DPP10: variants seen among roughly 807,000 people sequenced by gnomAD.
DPP10 encodes inactive dipeptidyl peptidase 10.
DPP10 carries 33 observed loss-of-function variants against 120.9 expected under a neutral mutation model. The ratio of observed to expected loss-of-function variants is 0.27; its 90% CI spans 0.21 to 0.37. The LOEUF (loss-of-function observed/expected upper bound fraction) is 0.37, where lower values mean the gene tolerates loss of function less well. Ranked by LOEUF, DPP10 falls within the 10% of genes least tolerant of loss-of-function variation. DPP10 has a pLI of 1.00. For synonymous variants in DPP10, 337 were observed against 326.1 expected (o/e 1.03, Z -0.36); for missense variants, 816 against 942.8 (o/e 0.87, Z 1.76).
chr2:114,525,845 A>C (rs1489177728), intron 1 of DPP10, among the ~76,000 whole-genome samples: 2 of 152,206 alleles, frequency 1.3e-5, no homozygotes, highest in East Asian at 3.9e-4. Flanking sequence ...TAGTCTTTCT[A>C]GAACTCTTTA....
intron 5 of DPP10, among the ~76,000 whole-genome samples, chr2:115,559,703 C>T (rs1250635560): frequency 6.6e-6 from 1 of 152,018 alleles, no homozygotes; most frequent in Non-Finnish European, 1.5e-5. Flanking sequence ...TTATGTGCAA[C>T]CTGATTGAGG....
chr2:114,842,473 C>T (rs1021450301), intron 1 of DPP10, among the ~76,000 whole-genome samples: 10 of 152,032 alleles, frequency 6.6e-5, no homozygotes, highest in Non-Finnish European at 5.9e-5. Flanking sequence ...AGAGACCCAT[C>T]AAGATGCACA....
chr2:114,758,859 TA>T (rs1408980931), intron 1 of DPP10, among the ~76,000 whole-genome samples: 1 of 152,094 alleles, frequency 6.6e-6, no homozygotes, highest in East Asian at 1.9e-4. Context: ...ATCGTGAAAT[TA>T]AAAAACGAAA....
intron 1 of DPP10, among the ~76,000 whole-genome samples, chr2:115,000,536 G>T (rs191600519): frequency 1.3e-5 from 2 of 152,088 alleles, no homozygotes; most frequent in East Asian, 3.9e-4. Flanking sequence ...GGTTCCTTTT[G>T]TCATTATTGT....
intron 1 of DPP10, among the ~76,000 whole-genome samples, chr2:114,534,281 A>C (rs992857191): frequency 2.6e-5 from 4 of 151,776 alleles, no homozygotes; most frequent in African/African-American, 9.7e-5. Context: ...ATTTTCTCCT[A>C]GTTCCTCTTT....
At chr2:115,487,110 A>G (rs903344085) in intron 3 of DPP10, among the ~76,000 whole-genome samples, 1 of 151,938 alleles carries the variant, frequency 6.6e-6, no homozygotes, top group Non-Finnish European at 1.5e-5. Flanking sequence ...CCAAATCATG[A>G]GTGAACTCCC....
intron 16 of DPP10, 109 bp downstream of exon 16, chr2:115,781,104 T>C: frequency 5.3e-6 from 5 of 941,194 alleles, no homozygotes; most frequent in Non-Finnish European, 5.9e-6. Flanking sequence ...TCTTAATTTA[T>C]AAATTTTTGT....
At chr2:114,709,177 G>C (rs1426624503) in intron 1 of DPP10, among the ~76,000 whole-genome samples, 1 of 152,184 alleles carries the variant, frequency 6.6e-6, no homozygotes, top group Non-Finnish European at 1.5e-5. Context: ...ATTGGCAGGA[G>C]ATTGGAGGGA....
chr2:114,845,184 T>C (rs1483581761), intron 1 of DPP10, among the ~76,000 whole-genome samples: 1 of 152,112 alleles, frequency 6.6e-6, no homozygotes, highest in East Asian at 1.9e-4. Context: ...TCAACCAACA[T>C]GCATTGGACT....
intron 1 of DPP10, among the ~76,000 whole-genome samples, chr2:115,295,269 G>C (rs2060834086): frequency 6.6e-6 from 1 of 152,042 alleles, no homozygotes. Flanking sequence ...AGCCAGAAAA[G>C]TCCTCCTTTA....
chr2:115,604,404 G>A (rs6725459), intron 5 of DPP10, among the ~76,000 whole-genome samples: 150,517 of 152,316 alleles, frequency 0.99, 74,397 homozygotes, highest in East Asian at 1. Flanking sequence ...CTGCCTAACT[G>A]TAATTCTCAT....
intron 3 of DPP10, among the ~76,000 whole-genome samples, chr2:115,458,659 C>T (rs1331224971): frequency 1.3e-5 from 2 of 151,882 alleles, no homozygotes; most frequent in African/African-American, 4.8e-5. Flanking sequence ...CACATATATA[C>T]GTATTGAGCA....
chr2:115,026,600 A>G (rs1348626883), intron 1 of DPP10, among the ~76,000 whole-genome samples: 7 of 152,066 alleles, frequency 4.6e-5, no homozygotes, highest in Non-Finnish European at 8.8e-5. Flanking sequence ...CAGTGGTGCC[A>G]TCTCGGCTCA....
intron 3 of DPP10, among the ~76,000 whole-genome samples, chr2:115,349,965 A>G (rs1218060642): frequency 6.6e-6 from 1 of 152,040 alleles, no homozygotes; most frequent in African/African-American, 2.4e-5. Flanking sequence ...CCAAAGTGTT[A>G]TTTTTTATAA....
chr2:115,516,688 G>A (rs1200279448), intron 4 of DPP10, among the ~76,000 whole-genome samples: 2 of 150,458 alleles, frequency 1.3e-5, no homozygotes, highest in African/African-American at 4.9e-5. Flanking sequence ...GTTAAAATTA[G>A]AGGATGGAGA....
chr2:115,139,814 A>G (rs1182533486), intron 1 of DPP10, among the ~76,000 whole-genome samples: 2 of 151,138 alleles, frequency 1.3e-5, no homozygotes, highest in Non-Finnish European at 1.5e-5. Context: ...TACATGAATC[A>G]GCCTCCTCCC....
At chr2:114,876,113 T>C (rs1691130705) in intron 1 of DPP10, among the ~76,000 whole-genome samples, 1 of 152,092 alleles carries the variant, frequency 6.6e-6, no homozygotes, top group Admixed American at 6.6e-5. Flanking sequence ...TGATATAAAA[T>C]AGAGAATATA....
At chr2:115,514,141 G>A (rs2077376898) in intron 4 of DPP10, among the ~76,000 whole-genome samples, 1 of 151,800 alleles carries the variant, frequency 6.6e-6, no homozygotes, top group Admixed American at 6.6e-5. Flanking sequence ...TTATAATTGA[G>A]GGTTCCTTGT....
Position 114,984,249 on chromosome 2 carries a change from T to A in DPP10, c.61-324990T>A, listed in dbSNP as rs543690568. 2.0e-5 allele frequency among the ~76,000 whole-genome samples: 3 copies of A among 152,298 alleles called. No homozygotes were observed. The East Asian group carries it at 5.8e-4, about 29-fold the overall frequency. ...TTTGCCAGATAATTAATATAGAAAA[T>A]GATACATTTTTTCTCATCAAATGCA... is the stretch of plus-strand genomic sequence containing the variant. On this transcript the variant is annotated intron_variant, in intron 1 of 25. Coordinates refer to ENST00000410059, the MANE Select transcript of DPP10 (RefSeq NM_020868.6).
Sources: allele counts gnomAD v4.1 joint callset (sites outside exome capture counted in the v4.1 genomes callset), GRCh38; gene constraint gnomAD v4.1.1; transcripts MANE v1.5; gene names NCBI Gene and HGNC (gene_info 2026-07-23, HGNC 2026-07-21).